Variants in GEMIN8 observed in about 807,000 individuals in gnomAD.
GEMIN8 encodes the protein gem nuclear organelle associated protein 8.
For missense variants in GEMIN8, 185 were observed against 205.9 expected, an observed-to-expected ratio of 0.90 and a Z score of 0.62; for synonymous variants, 80 against 78.5, an observed-to-expected ratio of 1.02 and a Z score of -0.10.
the GEMIN8 span, among the ~76,000 whole-genome samples, chrX:13,999,640 G>A: frequency 9.0e-6 from 1 of 111,576 alleles, no homozygotes; most frequent in Non-Finnish European, 1.9e-5. Flanking sequence ...ATCCCACATT[G>A]CATTTAGTTG....
At chrX:13,992,036 TC>T in the GEMIN8 span, among the ~76,000 whole-genome samples, 1 of 112,490 alleles carries the variant, frequency 8.9e-6, no homozygotes, top group South Asian at 3.7e-4. Context: ...CCCACAGTAC[TC>T]GTCTACTGGC....
At chrX:13,987,661 T>C in the GEMIN8 span, among the ~76,000 whole-genome samples, 4 of 112,203 alleles carry the variant, frequency 3.6e-5, no homozygotes, top group Admixed American at 3.8e-4. Context: ...TGTCCTCTTC[T>C]GCCAACCTCT....
At chrX:13,989,133 G>T in the GEMIN8 span, among the ~76,000 whole-genome samples, 1 of 111,176 alleles carries the variant, frequency 9.0e-6, no homozygotes, top group Non-Finnish European at 1.9e-5. Flanking sequence ...CTGTTGCCCA[G>T]GCTGGAATGC....
the GEMIN8 span, among the ~76,000 whole-genome samples, chrX:13,997,841 G>A: frequency 1.9e-5 from 2 of 102,854 alleles, no homozygotes; most frequent in Non-Finnish European, 3.9e-5. Context: ...AGGGGTTGCA[G>A]TGAGCCGAGA....
chrX:13,986,914 A>T, the GEMIN8 span, among the ~76,000 whole-genome samples: 1 of 112,781 alleles, frequency 8.9e-6, no homozygotes, highest in Non-Finnish European at 1.9e-5. Context: ...ACTAGGCTCT[A>T]TTGAAATGTA....
chrX:14,008,642 A>G lies in GEMIN8; in HGVS notation c.*271T>C, dbSNP rs987293718. 42 of 353,799 alleles carry G rather than the reference A, an allele frequency of 1.2e-4. No individual in the cohort carries two copies. The East Asian group carries it at 1.9e-3, about 16-fold the overall frequency. 29.2% of individuals were successfully genotyped at this position (353,799 alleles called of 1,213,427 possible). ...CTAGGCAAGAACGTTAATGAATTGAACTGTTACCAACAACATAAAAAACCA... is the reference window on the plus strand; with the variant it reads ...CTAGGCAAGAACGTTAATGAATTGAGCTGTTACCAACAACATAAAAAACCA... On this transcript the variant is annotated 3_prime_UTR_variant, in exon 5 of 5. Transcript: ENST00000680255.
chrX:14,022,682 A>G (rs1924451303), intron 2 of GEMIN8, among the ~76,000 whole-genome samples: 1 of 112,186 alleles, frequency 8.9e-6, no homozygotes, highest in Non-Finnish European at 1.9e-5. Flanking sequence ...AAAATGCATG[A>G]TAATTTAAGT....
chrX:14,010,083 T>C (rs1004317832), intron 4 of GEMIN8, among the ~76,000 whole-genome samples: 4 of 112,103 alleles, frequency 3.6e-5, no homozygotes, highest in Non-Finnish European at 7.5e-5. Context: ...AAATCTGCAA[T>C]AATGGGTTGG....
At chrX:14,028,782 C>T (rs1160629089) in intron 1 of GEMIN8, among the ~76,000 whole-genome samples, 4 of 112,343 alleles carry the variant, frequency 3.6e-5, no homozygotes, top group Non-Finnish European at 7.5e-5. Context: ...TTCCAAGTTA[C>T]TAACCAGCAG....
At chrX:14,019,629 G>A (rs768617492) in intron 4 of GEMIN8, among the ~76,000 whole-genome samples, 2 of 112,092 alleles carry the variant, frequency 1.8e-5, no homozygotes, top group South Asian at 7.4e-4. Flanking sequence ...ACAGGAAGTA[G>A]AGGTAGGCAG....
At chrX:14,023,880 C>T (rs750331828) in intron 2 of GEMIN8, among the ~76,000 whole-genome samples, 35 of 112,345 alleles carry the variant, frequency 3.1e-4, no homozygotes, top group Admixed American at 2.4e-3. Flanking sequence ...CTTCTTTCTA[C>T]GCATCATAAG....
At position 14,026,257 on chromosome X, in the gene GEMIN8, C is replaced by T. The variant is rs1474932686; in HGVS notation, c.-115-36G>A. The stretch of plus-strand genomic sequence containing the variant: ...AGAGATTGGCAATGTCAGGGAAGGC[C>T]GGGATCCGCAGCTCTACAAACCCGG... On this transcript the variant is annotated intron_variant, in intron 1 of 4. Transcript: ENST00000680255. 1.5e-5 allele frequency: 11 copies of T among 750,088 alleles called. No individual in the cohort carries two copies. The East Asian group carries it at 1.4e-3, about 93-fold the overall frequency. The allele number at this position is 750,088 out of a possible 1,213,427, so 61.8% of individuals were successfully genotyped here.
At chrX:14,013,928 C>T in intron 4 of GEMIN8, 15 of 719,488 alleles carry the variant, frequency 2.1e-5, no homozygotes, top group Non-Finnish European at 2.5e-5. Flanking sequence ...TACTGGATTC[C>T]ATCTGGGTTC....
chrX:14,015,009 C>T (rs937944283), intron 4 of GEMIN8, among the ~76,000 whole-genome samples: 1 of 111,759 alleles, frequency 8.9e-6, no homozygotes, highest in Non-Finnish European at 1.9e-5. Flanking sequence ...ACACCATAGA[C>T]ACTCTTCTTC....
the GEMIN8 span, among the ~76,000 whole-genome samples, chrX:13,987,409 T>G: frequency 9.0e-6 from 1 of 111,560 alleles, no homozygotes; most frequent in East Asian, 2.8e-4. Context: ...GAGTTGGGGG[T>G]GGTGGAGGTA....
rs1923230986 is a variant in GEMIN8 at position 14,007,571 on chromosome X, T to TCA, written c.*1340_*1341dup. 9.1e-6 allele frequency among the ~76,000 whole-genome samples: 1 copy of TCA among 110,008 alleles called. No homozygotes were observed. The highest frequency in any genetic ancestry group is 1.9e-5 in the Non-Finnish European group (1 of 52,663). The stretch of plus-strand genomic sequence containing the variant: ...TTTTTTTTTCTTTTGAGATGGAGTC[T>TCA]CACTCTGTTGCCCAGGCTGGAGCTC... On this transcript the variant is annotated 3_prime_UTR_variant, in exon 5 of 5. Transcript: ENST00000680255.
At chrX:13,991,409 A>G in the GEMIN8 span, among the ~76,000 whole-genome samples, 1 of 111,859 alleles carries the variant, frequency 8.9e-6, no homozygotes, top group South Asian at 3.7e-4. Flanking sequence ...CTGAGGGGGG[A>G]CATCCTTAGC....
intron 2 of GEMIN8, among the ~76,000 whole-genome samples, chrX:14,023,746 C>T (rs760944951): frequency 1.2e-4 from 14 of 112,327 alleles, no homozygotes; most frequent in Admixed American, 3.8e-4. Flanking sequence ...ATGACATTAA[C>T]GCAAACTGCA....
the GEMIN8 span, among the ~76,000 whole-genome samples, chrX:14,000,753 A>ACT: frequency 9.0e-6 from 1 of 111,423 alleles, no homozygotes; most frequent in South Asian, 3.8e-4. Flanking sequence ...ATCAGTATAG[A>ACT]CTCAAGTATT....
Sources: allele counts gnomAD v4.1 joint callset (sites outside exome capture counted in the v4.1 genomes callset), GRCh38; gene constraint gnomAD v4.1.1; transcripts MANE v1.5; gene names NCBI Gene and HGNC (gene_info 2026-07-23, HGNC 2026-07-21).